Variants in CLSTN2 observed in about 807,000 individuals in gnomAD.
CLSTN2 encodes calsyntenin 2.
Under a neutral mutation model 101.2 loss-of-function variants are expected in CLSTN2, and 48 were observed. The ratio of observed to expected loss-of-function variants is 0.47; its 90% CI spans 0.38 to 0.60. The LOEUF (loss-of-function observed/expected upper bound fraction) is 0.60, where lower values mean the gene tolerates loss of function less well. Ranked by LOEUF, CLSTN2 falls within the 20% of genes least tolerant of loss-of-function variation. The probability of loss-of-function intolerance (pLI) is 0.00; values close to 1 mark genes in which losing one functional copy is unlikely to be tolerated. For synonymous variants in CLSTN2, 481 were observed against 463.6 expected (o/e 1.04, Z -0.48); for missense variants, 1,160 against 1,238.2 (o/e 0.94, Z 0.95).
intron 2 of CLSTN2, among the ~76,000 whole-genome samples, chr3:140,311,268 A>G (rs1456799604): frequency 1.4e-5 from 2 of 146,406 alleles, no homozygotes; most frequent in Non-Finnish European, 1.5e-5. Context: ...AATAATAATA[A>G]CAGCTAAGGT....
chr3:140,094,065 C>T (rs951631827), intron 1 of CLSTN2, among the ~76,000 whole-genome samples: 3 of 152,160 alleles, frequency 2.0e-5, no homozygotes, highest in Non-Finnish European at 4.4e-5. Context: ...AATTCAAATT[C>T]GTCTCATTAA....
chr3:139,950,235 C>G (rs2107810030), intron 1 of CLSTN2, among the ~76,000 whole-genome samples: 1 of 152,318 alleles, frequency 6.6e-6, no homozygotes, highest in East Asian at 1.9e-4. Context: ...AGCTTTGGCA[C>G]TCTACATGGG....
intron 2 of CLSTN2, among the ~76,000 whole-genome samples, chr3:140,257,361 T>C (rs2086612503): frequency 6.6e-6 from 1 of 152,126 alleles, no homozygotes; most frequent in Admixed American, 6.5e-5. Flanking sequence ...AGCCTGCCCA[T>C]GTAATGAAAA....
At chr3:140,142,647 G>T (rs1327581503) in intron 1 of CLSTN2, among the ~76,000 whole-genome samples, 1 of 152,134 alleles carries the variant, frequency 6.6e-6, no homozygotes, top group African/African-American at 2.4e-5. Flanking sequence ...AAGAATTATT[G>T]TCATTCTGCC....
intron 2 of CLSTN2, among the ~76,000 whole-genome samples, chr3:140,336,736 C>T (rs2087445135): frequency 1.3e-5 from 2 of 152,164 alleles, no homozygotes; most frequent in Admixed American, 6.5e-5. Context: ...AGCCAAAGTC[C>T]TGGAGGGGAG....
chr3:140,035,343 C>T (rs1158500253), intron 1 of CLSTN2, among the ~76,000 whole-genome samples: 1 of 152,226 alleles, frequency 6.6e-6, no homozygotes, highest in African/African-American at 2.4e-5. Flanking sequence ...GTGCTGTAAA[C>T]TTTCTGTAAA....
Position 140,448,569 on chromosome 3 carries a change from T to G in CLSTN2, c.838T>G (p.Phe280Val). The change falls in exon 6 of 17, where the codon TTC (phenylalanine) becomes GTC (valine). Residue 280 changes from phenylalanine (F) to valine (V), a missense_variant. Phe to Val is a conservative substitution (Grantham distance 50). Transcript: ENST00000458420. ...GCCTGGCTCCGGGAGCATGCCCCTG[T>G]TCCCCAGCATCCACCTGGAGACGTG... ...YQPGSGSMPL[F>V]PSIHLETCDG... 1 of 1,614,014 alleles carries G rather than the reference T, an allele frequency of 6.2e-7. No homozygotes were observed. The highest frequency in any genetic ancestry group is 8.5e-7 in the Non-Finnish European group (1 of 1,179,962).
chr3:140,221,365 A>G (rs558837782), intron 2 of CLSTN2, among the ~76,000 whole-genome samples: 1 of 152,212 alleles, frequency 6.6e-6, no homozygotes, highest in African/African-American at 2.4e-5. Flanking sequence ...TCAACTTTGC[A>G]GAGGGTGCTA....
chr3:139,960,446 G>A (rs7356017), intron 1 of CLSTN2, among the ~76,000 whole-genome samples: 10,135 of 152,038 alleles, frequency 0.067, 400 homozygotes, highest in Non-Finnish European at 0.089. Flanking sequence ...AAAAAGCTTT[G>A]GTGGCTTCCT....
At chr3:140,112,490 A>G (rs2009172537) in intron 1 of CLSTN2, among the ~76,000 whole-genome samples, 1 of 152,176 alleles carries the variant, frequency 6.6e-6, no homozygotes, top group South Asian at 2.1e-4. Context: ...TCATGGAGAA[A>G]TCTCAGCACG....
At chr3:140,522,294 A>T (rs1935047006) in intron 8 of CLSTN2, among the ~76,000 whole-genome samples, 1 of 152,186 alleles carries the variant, frequency 6.6e-6, no homozygotes, top group African/African-American at 2.4e-5. Context: ...CCTCTCTGTG[A>T]GTGCCACAGA....
chr3:140,314,718 G>A (rs1359036142), intron 2 of CLSTN2, among the ~76,000 whole-genome samples: 1 of 152,168 alleles, frequency 6.6e-6, no homozygotes, highest in African/African-American at 2.4e-5. Flanking sequence ...ATCATTTTGA[G>A]TCTAATAGTG....
chr3:140,338,661 AC>A (rs1189753812), intron 2 of CLSTN2, among the ~76,000 whole-genome samples: 2 of 151,980 alleles, frequency 1.3e-5, no homozygotes, highest in East Asian at 3.9e-4. Flanking sequence ...ATTCGTGGGG[AC>A]CCTGTGAGAT....
At chr3:140,056,428 C>T (rs1184804588) in intron 1 of CLSTN2, among the ~76,000 whole-genome samples, 1 of 152,174 alleles carries the variant, frequency 6.6e-6, no homozygotes, top group East Asian at 1.9e-4. Flanking sequence ...ATAAACCATG[C>T]CCCACTGGGA....
intron 5 of CLSTN2, among the ~76,000 whole-genome samples, chr3:140,425,385 G>T (rs1416047490): frequency 6.6e-6 from 1 of 152,234 alleles, no homozygotes; most frequent in Non-Finnish European, 1.5e-5. Flanking sequence ...AGGACCAGAA[G>T]AGGCTTTCTC....
At chr3:140,223,693 C>T (rs1396083159) in intron 2 of CLSTN2, among the ~76,000 whole-genome samples, 2 of 152,170 alleles carry the variant, frequency 1.3e-5, no homozygotes, top group Non-Finnish European at 2.9e-5. Context: ...GTCTACTGTG[C>T]TAAAATAAAT....
chr3:140,505,129 G>A (rs1306734390), intron 8 of CLSTN2, among the ~76,000 whole-genome samples: 3 of 151,476 alleles, frequency 2.0e-5, no homozygotes, highest in Non-Finnish European at 4.4e-5. Flanking sequence ...GCCTTCTCTC[G>A]AGGTCCCTGT....
chr3:140,184,796 A>G (rs1344473864), intron 2 of CLSTN2, among the ~76,000 whole-genome samples: 1 of 152,138 alleles, frequency 6.6e-6, no homozygotes, highest in Non-Finnish European at 1.5e-5. Flanking sequence ...GTATCTAATC[A>G]TGGCATCTGG....
intron 4 of CLSTN2, among the ~76,000 whole-genome samples, chr3:140,412,796 A>G (rs1481623213): frequency 6.6e-6 from 1 of 152,236 alleles, no homozygotes; most frequent in Non-Finnish European, 1.5e-5. Context: ...CTGAACAACA[A>G]ATGGGTCAAA....
Sources: gnomAD v4.1 joint callset for allele counts (sites outside exome capture counted in the v4.1 genomes callset) on GRCh38, gnomAD v4.1.1 for gene constraint, MANE v1.5 for transcripts, NCBI Gene and HGNC (gene_info 2026-07-23, HGNC 2026-07-21) for gene names.